HMBOX1: variants seen among roughly 807,000 people sequenced by gnomAD.
HMBOX1 encodes homeobox-containing protein 1.
A neutral mutation model predicts 54.5 loss-of-function variants in HMBOX1; 14 were observed. That is an observed-to-expected ratio of 0.26 (90% CI 0.17 to 0.40). The LOEUF (loss-of-function observed/expected upper bound fraction) is 0.40. Ranked by LOEUF, HMBOX1 falls within the 10% of genes least tolerant of loss-of-function variation. The pLI, the probability that HMBOX1 is intolerant of heterozygous loss-of-function variation, is 1.00. For synonymous variants in HMBOX1, 160 were observed against 181.0 expected, an observed-to-expected ratio of 0.88 and a Z score of 0.93; for missense variants, 332 against 514.4, an observed-to-expected ratio of 0.65 and a Z score of 3.43.
chr8:29,018,648 T>G (rs1030052744), intron 5 of HMBOX1, 112 bp from the exon 6 acceptor site: 3 of 1,056,828 alleles, frequency 2.8e-6, no homozygotes, highest in Non-Finnish European at 4.0e-6. Context: ...GATACATTGA[T>G]TAAGTTGTCA....
intron 1 of HMBOX1, among the ~76,000 whole-genome samples, chr8:28,938,143 C>T (rs937420425): frequency 2.0e-5 from 3 of 152,172 alleles, no homozygotes; most frequent in African/African-American, 7.2e-5. Flanking sequence ...TTTTCCACAT[C>T]ATGTTGGTCA....
chr8:29,027,110 G>A (rs1389037780), intron 6 of HMBOX1, among the ~76,000 whole-genome samples: 1 of 152,134 alleles, frequency 6.6e-6, no homozygotes, highest in Non-Finnish European at 1.5e-5. Flanking sequence ...AGCATTTGCT[G>A]TGTGTTAGCA....
At chr8:29,003,319 C>T (rs1033640276) in intron 4 of HMBOX1, among the ~76,000 whole-genome samples, 1 of 151,066 alleles carries the variant, frequency 6.6e-6, no homozygotes, top group African/African-American at 2.4e-5. Flanking sequence ...ACTGCAGTAT[C>T]GAATAATAGG....
rs76469859 is a variant in HMBOX1 at position 28,998,368 on chromosome 8, C to G, written c.587-10704C>G. 1.0e-3 allele frequency among the ~76,000 whole-genome samples: 155 copies of G among 152,118 alleles called. 1 individual carries two copies. Among genetic ancestry groups the G allele is most frequent in the East Asian group, 3.5e-3 (18 of 5,186 alleles). ...GGTATATGTACATTTATAGTTATAT[C>G]TTCCTCGTTAATTGAGCCTTTTATT... On this transcript the variant is annotated intron_variant, in intron 4 of 9. Coordinates refer to ENST00000287701, the MANE Select transcript of HMBOX1 (RefSeq NM_001135726.3).
intron 6 of HMBOX1, among the ~76,000 whole-genome samples, chr8:29,037,873 G>C (rs933368148): frequency 6.6e-6 from 1 of 152,110 alleles, no homozygotes. Flanking sequence ...CTAAAAGCAG[G>C]CCTTTCCTGC....
chr8:29,022,167 A>G (rs926285416), intron 6 of HMBOX1, among the ~76,000 whole-genome samples: 1 of 152,170 alleles, frequency 6.6e-6, no homozygotes, highest in Non-Finnish European at 1.5e-5. Flanking sequence ...GTAAATCCCA[A>G]CCTTTTGGGA....
intron 1 of HMBOX1, among the ~76,000 whole-genome samples, chr8:28,945,320 A>T (rs1822230053): frequency 6.6e-6 from 1 of 152,242 alleles, no homozygotes; most frequent in South Asian, 2.1e-4. Context: ...TTTGTGCAAG[A>T]TCAAACTGCT....
chr8:28,973,964 C>A (rs1050929856), intron 3 of HMBOX1, among the ~76,000 whole-genome samples: 1 of 151,606 alleles, frequency 6.6e-6, no homozygotes, highest in African/African-American at 2.4e-5. Context: ...ACAGCGTGCA[C>A]CACCACCCCC....
intron 4 of HMBOX1, among the ~76,000 whole-genome samples, chr8:29,005,199 C>T (rs576072038): frequency 3.9e-5 from 6 of 152,150 alleles, no homozygotes; most frequent in Non-Finnish European, 4.4e-5. Context: ...GCTAACCTTG[C>T]TTACTTCAGA....
intron 4 of HMBOX1, among the ~76,000 whole-genome samples, chr8:29,000,450 G>A (rs987653778): frequency 2.0e-5 from 3 of 152,214 alleles, no homozygotes; most frequent in Admixed American, 6.5e-5. Context: ...GAAGACTCTC[G>A]TGGACATCTC....
rs139447918 is a variant in HMBOX1 at position 28,965,983 on chromosome 8, A to G, written c.23+2093A>G. On this transcript the variant is annotated intron_variant, in intron 2 of 9. Transcript: ENST00000287701. ...CTAACCTATTTTGCCTAGTCATTCT[A>G]GATAATAAAAATAAAGACAGCAGAA... Among the ~76,000 whole-genome samples, 995 of 152,242 alleles carry G rather than the reference A, an allele frequency of 6.5e-3. 14 individuals carry two copies. The highest frequency in any genetic ancestry group is 0.022 in the African/African-American group (935 of 41,556).
chr8:28,967,488 A>G (rs1826629848), intron 2 of HMBOX1, among the ~76,000 whole-genome samples: 1 of 152,242 alleles, frequency 6.6e-6, no homozygotes, highest in South Asian at 2.1e-4. Flanking sequence ...TTATGCTAAT[A>G]CAGAGTGCTG....
At chr8:29,021,801 G>A (rs7829565) in intron 6 of HMBOX1, among the ~76,000 whole-genome samples, 4,777 of 150,914 alleles carry the variant, frequency 0.032, 241 homozygotes, top group African/African-American at 0.11. Flanking sequence ...CAGAGCTTGC[G>A]GTGAGCCGAG....
At chr8:28,942,133 C>T (rs762018385) in intron 1 of HMBOX1, among the ~76,000 whole-genome samples, 11 of 152,134 alleles carry the variant, frequency 7.2e-5, no homozygotes, top group Non-Finnish European at 1.6e-4. Context: ...CAGGGTGCCC[C>T]GGAGGTGCCA....
intron 1 of HMBOX1, among the ~76,000 whole-genome samples, chr8:28,939,665 A>T (rs1437727022): frequency 6.6e-6 from 1 of 151,100 alleles, no homozygotes; most frequent in Non-Finnish European, 1.5e-5. Flanking sequence ...ACCCACCACC[A>T]CGCCTGACTA....
intron 4 of HMBOX1, among the ~76,000 whole-genome samples, chr8:28,982,628 T>C (rs1001750434): frequency 2.6e-5 from 4 of 151,778 alleles, no homozygotes; most frequent in Non-Finnish European, 5.9e-5. Flanking sequence ...ATTTATTTTT[T>C]ACTTTTTTTT....
intron 2 of HMBOX1, among the ~76,000 whole-genome samples, chr8:28,966,886 T>C (rs1826525764): frequency 6.6e-6 from 1 of 152,192 alleles, no homozygotes; most frequent in African/African-American, 2.4e-5. Flanking sequence ...ACATCTAATT[T>C]GAACAAGGTG....
rs937992532 is a variant in HMBOX1 at position 28,970,546 on chromosome 8, C to T, written c.500+27C>T. 7.2e-7 allele frequency: 1 copy of T among 1,380,076 alleles called. No individual in the cohort carries two copies. Among genetic ancestry groups the T allele is most frequent in the Non-Finnish European group, 9.9e-7 (1 of 1,005,794 alleles). The allele number at this position is 1,380,076 out of a possible 1,614,324, so 85.5% of individuals were successfully genotyped here. A position where few individuals can be genotyped will look rare whatever the true frequency, so the allele number is the denominator to read the frequency against. Reference sequence around the variant, plus strand: ...TTAGTGACTTTGCTTATTCAGAGTCCCTAAAAATGTCTGTATTCTTAGATT... The same window carrying T: ...TTAGTGACTTTGCTTATTCAGAGTCTCTAAAAATGTCTGTATTCTTAGATT... On this transcript the variant is annotated intron_variant, in intron 3 of 9. Coordinates refer to ENST00000287701, the MANE Select transcript of HMBOX1 (RefSeq NM_001135726.3). This position sits in a 1 kb window ranked among gnomAD's most constrained non-coding sequence, Gnocchi z 4.3.
chr8:28,965,887 TA>T (rs1468734657), intron 2 of HMBOX1, among the ~76,000 whole-genome samples: 1 of 152,186 alleles, frequency 6.6e-6, no homozygotes, highest in Non-Finnish European at 1.5e-5. Context: ...CTCTCTCTGA[TA>T]AAAATATTGT....
Sources: allele counts gnomAD v4.1 joint callset (sites outside exome capture counted in the v4.1 genomes callset), GRCh38; gene constraint gnomAD v4.1.1; non-coding constraint Gnocchi (gnomAD v3.1); transcripts MANE v1.5; gene names NCBI Gene and HGNC (gene_info 2026-07-23, HGNC 2026-07-21).